GPBP1L1: variants seen among roughly 807,000 people sequenced by gnomAD.
GPBP1L1 encodes GC-rich promoter binding protein 1 like 1, also known as vasculin-like protein 1.
In GPBP1L1, 23 loss-of-function variants were observed where a neutral mutation model predicts 52.5. The observed-to-expected ratio is 0.44, with a 90% CI of 0.32 to 0.62. GPBP1L1 has a LOEUF of 0.62. GPBP1L1 is among the 20% of genes least tolerant of loss of function. The probability of loss-of-function intolerance (pLI) is 0.06; values close to 1 mark genes in which losing one functional copy is unlikely to be tolerated. For synonymous variants in GPBP1L1, 243 were observed against 203.1 expected (o/e 1.20, Z -1.67); for missense variants, 596 against 579.3 (o/e 1.03, Z -0.30).
chr1:45,634,979 C>A (rs182015022), intron 8 of GPBP1L1: 23 of 152,316 alleles, frequency 1.5e-4, no homozygotes, highest in African/African-American at 5.3e-4. Flanking sequence ...ACACTTAGAA[C>A]AGAGGACCTC....
Position 45,634,116 on chromosome 1 carries a change from C to A in GPBP1L1, c.865G>T (p.Ala289Ser), listed in dbSNP as rs138822071. ...CTCACCTCTTTGGGAGAACTCAGAG[C>A]TGCACCACTAGCCAGTACCACTGGT... is the stretch of plus-strand genomic sequence containing the variant. ...TKPVVLASGA[A>S]LSSPKESPSS... The change falls in exon 9 of 13, where the codon GCT (alanine) becomes TCT (serine). Residue 289 changes from alanine to serine, a missense_variant. Coordinates refer to ENST00000355105, the MANE Select transcript of GPBP1L1 (RefSeq NM_021639.5). 85 of 1,612,674 alleles carry A rather than the reference C, an allele frequency of 5.3e-5. No individual in the cohort carries two copies. The African/African-American group carries it at 6.9e-4, about 13-fold the overall frequency.
rs373407793 is a variant in GPBP1L1 at position 45,631,904 on chromosome 1, C to T, written c.1045-1298G>A. On this transcript the variant is annotated intron_variant, in intron 10 of 12. Transcript: ENST00000355105. ...ATGCCACTGCATTCAGCCTGGGCGA[C>T]AGAGTGAGACACTGTCTCAAAAACA... Among the ~76,000 whole-genome samples the T allele has an allele frequency of 2.0e-4, 30 of 152,236 alleles. No homozygotes were observed. The East Asian group carries it at 4.8e-3, about 25-fold the overall frequency.
intron 2 of GPBP1L1, among the ~76,000 whole-genome samples, chr1:45,674,535 T>C (rs1356124173): frequency 6.6e-6 from 1 of 152,230 alleles, no homozygotes; most frequent in African/African-American, 2.4e-5. Context: ...CAATTTAAGA[T>C]TGTTCAACTT....
At chr1:45,641,581 G>A (rs911939590) in intron 7 of GPBP1L1, 17 of 152,076 alleles carry the variant, frequency 1.1e-4, no homozygotes, top group Admixed American at 9.2e-4. Flanking sequence ...CACTTTGAGA[G>A]GCCGAGGCAG....
chr1:45,657,102 T>C (rs550446442), intron 4 of GPBP1L1, among the ~76,000 whole-genome samples: 3 of 152,238 alleles, frequency 2.0e-5, no homozygotes, highest in Non-Finnish European at 4.4e-5. Flanking sequence ...TCTAATTCTT[T>C]TTACTTAAGT....
chr1:45,673,784 G>A (rs147809409), intron 2 of GPBP1L1, among the ~76,000 whole-genome samples: 4 of 152,244 alleles, frequency 2.6e-5, no homozygotes, highest in Non-Finnish European at 5.9e-5. Context: ...GCTTGAATCC[G>A]GGAGACAGAG....
intron 1 of GPBP1L1, 39 bp from the exon 2 acceptor site, chr1:45,685,659 C>T (rs1279105527): frequency 6.6e-6 from 1 of 152,204 alleles, no homozygotes; most frequent in Non-Finnish European, 1.5e-5. Context: ...CAGTTAATGT[C>T]CCCACAGGGG....
intron 10 of GPBP1L1, 81 bp downstream of exon 10, chr1:45,633,408 T>C (rs1644554884): frequency 6.8e-7 from 1 of 1,470,632 alleles, no homozygotes; most frequent in Non-Finnish European, 9.4e-7. Flanking sequence ...TTGCCACATC[T>C]TTATCCTTTA....
At chr1:45,648,063 CCT>C (rs755807933) in intron 6 of GPBP1L1, among the ~76,000 whole-genome samples, 6 of 152,124 alleles carry the variant, frequency 3.9e-5, no homozygotes, top group Non-Finnish European at 8.8e-5. Context: ...ACCTCAGCCC[CCT>C]GAGTAGCTGG....
At chr1:45,651,279 T>A (rs1007595243) in intron 6 of GPBP1L1, 1 of 398,904 alleles carries the variant, frequency 2.5e-6, no homozygotes, top group Non-Finnish European at 4.8e-6. Context: ...TTCCCCTTGA[T>A]AATGCAGTAA....
At chr1:45,651,846 A>G (rs1644823465) in intron 6 of GPBP1L1, 1 of 242,896 alleles carries the variant, frequency 4.1e-6, no homozygotes, top group Non-Finnish European at 7.8e-6. Flanking sequence ...CGGGAGGAGA[A>G]GAAATCTTAT....
Position 45,640,310 on chromosome 1 carries a change from G to A in GPBP1L1, c.644C>T (p.Thr215Ile), listed in dbSNP as rs1455179161. 1.2e-6 allele frequency: 2 copies of A among 1,613,910 alleles called. No homozygotes were observed. Among genetic ancestry groups the A allele is most frequent in the Non-Finnish European group, 1.7e-6 (2 of 1,179,908 alleles). The change falls in exon 8 of 13, where the codon ACC becomes ATC. Residue 215 changes from threonine to isoleucine, a missense_variant. Thr to Ile is a moderately conservative substitution (Grantham distance 89). Coordinates refer to ENST00000355105, the MANE Select transcript of GPBP1L1 (RefSeq NM_021639.5). ...ATTTGCATGGTGAGATCCTGGTGAGGTGAATGCAGCAGAGAAGGCAGCAGC... is the reference window on the plus strand; with the variant it reads ...ATTTGCATGGTGAGATCCTGGTGAGATGAATGCAGCAGAGAAGGCAGCAGC... Reference protein sequence around the residue: ...DPAAAFSAAFTSPGSHHANGN... With the variant: ...DPAAAFSAAFISPGSHHANGN...
intron 2 of GPBP1L1, among the ~76,000 whole-genome samples, chr1:45,680,527 C>T (rs1309899399): frequency 6.6e-6 from 1 of 152,056 alleles, no homozygotes; most frequent in East Asian, 1.9e-4. Flanking sequence ...TTGTGAGCCA[C>T]CATGACCAGC....
intron 2 of GPBP1L1, among the ~76,000 whole-genome samples, chr1:45,683,885 G>A (rs965879094): frequency 9.2e-5 from 14 of 151,790 alleles, no homozygotes; most frequent in Admixed American, 5.2e-4. Context: ...TCATGCCACC[G>A]CACTCCAATC....
upstream of GPBP1L1, among the ~76,000 whole-genome samples, chr1:45,686,808 C>T (rs1355205548): frequency 6.6e-6 from 1 of 152,222 alleles, no homozygotes; most frequent in Non-Finnish European, 1.5e-5. Flanking sequence ...AGAATTGAAT[C>T]CTCTGCCTTT....
intron 1 of GPBP1L1, among the ~76,000 whole-genome samples, chr1:45,686,176 G>C (rs1645280615): frequency 6.6e-6 from 1 of 152,260 alleles, no homozygotes; most frequent in South Asian, 2.1e-4. Context: ...CTTTCGCGGA[G>C]CCCCGGCGAC....
At chr1:45,670,752 G>A (rs1313489482) in intron 2 of GPBP1L1, among the ~76,000 whole-genome samples, 20 of 149,828 alleles carry the variant, frequency 1.3e-4, no homozygotes. Context: ...TGTTCCATTG[G>A]CTTATTTACA....
intron 2 of GPBP1L1, among the ~76,000 whole-genome samples, chr1:45,661,549 G>A (rs900535167): frequency 4.0e-5 from 6 of 151,480 alleles, no homozygotes; most frequent in Non-Finnish European, 8.8e-5. Flanking sequence ...TCCACCTCCC[G>A]GGTTCAAGCG....
intron 11 of GPBP1L1, among the ~76,000 whole-genome samples, 196 bp downstream of exon 11, chr1:45,630,286 T>G (rs1334226262): frequency 6.6e-6 from 1 of 152,150 alleles, no homozygotes; most frequent in East Asian, 1.9e-4. Context: ...GAGAGTAGAT[T>G]GTGGAAAAGA....
Sources: gnomAD v4.1 joint callset for allele counts (sites outside exome capture counted in the v4.1 genomes callset) on GRCh38, gnomAD v4.1.1 for gene constraint, MANE v1.5 for transcripts, NCBI Gene and HGNC (gene_info 2026-07-23, HGNC 2026-07-21) for gene names.